The following GLT1D1 variants were observed in gnomAD, a reference collection of about 807,000 sequenced individuals.
GLT1D1 encodes glycosyltransferase 1 domain containing 1.
GLT1D1 carries 21 observed loss-of-function variants against 28.7 expected under a neutral mutation model. The ratio of observed to expected loss-of-function variants is 0.73; its 90% confidence interval spans 0.52 to 1.05. The LOEUF is 1.05. Among genes scored for constraint, GLT1D1 ranks in the 50% least tolerant of loss-of-function variants. The pLI is 0.00. For missense variants in GLT1D1, 343 were observed against 330.6 expected (o/e 1.04, Z -0.29); for synonymous variants, 147 against 124.8 (o/e 1.18, Z -1.19).
At chr12:128,980,863 C>A (rs961527587) in intron 7 of GLT1D1, among the ~76,000 whole-genome samples, 1 of 152,232 alleles carries the variant, frequency 6.6e-6, no homozygotes, top group Non-Finnish European at 1.5e-5. Context: ...TCAACGGGGA[C>A]AGTGGCAGTG....
chr12:128,868,921 G>A (rs1034657803), intron 1 of GLT1D1, among the ~76,000 whole-genome samples: 3 of 152,178 alleles, frequency 2.0e-5, no homozygotes, highest in African/African-American at 7.2e-5. Flanking sequence ...CTAGGCTGGA[G>A]TGCAATGGCA....
chr12:128,866,731 C>A (rs928486837), intron 1 of GLT1D1, among the ~76,000 whole-genome samples: 2 of 152,002 alleles, frequency 1.3e-5, no homozygotes, highest in African/African-American at 4.8e-5. Context: ...AGCGATTCTC[C>A]TGCCTCAGCC....
At chr12:128,894,072 A>G (rs764241519) in intron 3 of GLT1D1, among the ~76,000 whole-genome samples, 2 of 152,134 alleles carry the variant, frequency 1.3e-5, no homozygotes, top group Non-Finnish European at 1.5e-5. Flanking sequence ...TAGTTTTCAG[A>G]GCAAATGGAG....
intron 2 of GLT1D1, among the ~76,000 whole-genome samples, chr12:128,876,672 A>C (rs1037661431): frequency 2.0e-5 from 3 of 152,196 alleles, no homozygotes; most frequent in Non-Finnish European, 2.9e-5. Flanking sequence ...TTCTTTTACA[A>C]ATAGAGCACT....
rs774913746 is a variant in GLT1D1, at chr12:128,957,519, AC to A, written c.541-21del. On this transcript the variant is annotated intron_variant, in intron 6 of 7. Coordinates refer to ENST00000281703, the MANE Select transcript of GLT1D1 (RefSeq NM_144669.3). ...GAGGCTCTTGAAATGACTGCCTTCC[AC>A]CCCCTTTTCTCCTGTCTCCTCCAGG... is the stretch of plus-strand genomic sequence containing the variant. 1.8e-4 allele frequency: 277 copies of A among 1,520,956 alleles called. 2 individuals are homozygous for A. Among genetic ancestry groups the A allele is most frequent in the Non-Finnish European group, 2.4e-4 (263 of 1,095,904 alleles). The allele number at this position is 1,520,956 out of a possible 1,614,324, so 94.2% of individuals were successfully genotyped here. A position where few individuals can be genotyped will look rare whatever the true frequency, so the allele number is the denominator to read the frequency against.
At chr12:128,916,301 A>T (rs1872105379) in intron 4 of GLT1D1, among the ~76,000 whole-genome samples, 1 of 152,184 alleles carries the variant, frequency 6.6e-6, no homozygotes, top group African/African-American at 2.4e-5. Context: ...TTCCATTTTT[A>T]ACCGTTACAA....
rs1318656397 is a variant in GLT1D1, at chr12:128,867,419, G to GA, written c.69-8483dup. ...TCTCAAAAAAAAAAAAAAAAAAACA[G>GA]AAAAAAAAAAAAGGAAAAGAAAAAA... On this transcript the variant is annotated intron_variant, in intron 1 of 7. Transcript: ENST00000281703. 6.8e-3 allele frequency among the ~76,000 whole-genome samples: 761 copies of GA among 111,746 alleles called. 11 individuals carry two copies. Among genetic ancestry groups the GA allele is most frequent in the African/African-American group, 0.022 (665 of 30,226 alleles). 73.3% of individuals were successfully genotyped at this position (111,746 alleles called of 152,430 possible). A position where few individuals can be genotyped will look rare whatever the true frequency, so the allele number is the denominator to read the frequency against.
chr12:128,983,789 C>T lies in GLT1D1; in HGVS notation c.*699C>T, dbSNP rs1460111608. The T allele has an allele frequency of 1.3e-5, 2 of 152,244 alleles. No homozygotes were observed. Among genetic ancestry groups the T allele is most frequent in the Non-Finnish European group, 2.9e-5 (2 of 68,054 alleles). The allele number at this position is 152,244 out of a possible 1,614,324, so 9.4% of individuals were successfully genotyped here. On this transcript the variant is annotated 3_prime_UTR_variant, in exon 8 of 8. Transcript: ENST00000281703. This position sits in a 1 kb window ranked among gnomAD's most constrained non-coding sequence, Gnocchi z 4.7. The stretch of plus-strand genomic sequence containing the variant: ...CACGTCACGCATAGCCTGCAAATCG[C>T]CCGCGTGACCCTGAGATGGAGGCCT...
rs143125668 is a variant in GLT1D1, at chr12:128,941,961, G to A, written c.376-3365G>A. Among the ~76,000 whole-genome samples, 672 of 141,340 alleles carry A rather than the reference G, an allele frequency of 4.8e-3. 6 individuals are homozygous for A. The highest frequency in any genetic ancestry group is 0.017 in the African/African-American group (637 of 37,788). The allele number at this position is 141,340 out of a possible 152,430, so 92.7% of individuals were successfully genotyped here. A position where few individuals can be genotyped will look rare whatever the true frequency, so the allele number is the denominator to read the frequency against. Reference sequence around the variant, plus strand: ...ATTGTTTTTATTATTTAATAGCTGGGCTCATAGTACCATTTCCTACTTATT... The same window carrying A: ...ATTGTTTTTATTATTTAATAGCTGGACTCATAGTACCATTTCCTACTTATT... On this transcript the variant is annotated intron_variant, in intron 4 of 7. Coordinates refer to ENST00000281703, the MANE Select transcript of GLT1D1 (RefSeq NM_144669.3).
chr12:128,968,050 G>A (rs1034278963), intron 7 of GLT1D1, among the ~76,000 whole-genome samples: 2 of 152,098 alleles, frequency 1.3e-5, no homozygotes, highest in Admixed American at 6.5e-5. Context: ...AGGCTGGAGT[G>A]CAGTGGCGCA....
At chr12:128,944,936 A>G (rs530613245) in intron 4 of GLT1D1, 8 of 528,970 alleles carry the variant, frequency 1.5e-5, no homozygotes, top group Admixed American at 6.9e-5. Flanking sequence ...TCGTAACGCT[A>G]TCCCTCCTCC....
At position 128,883,482 on chromosome 12, in the gene GLT1D1, C is replaced by T. The variant is rs551744593; in HGVS notation, c.218-5157C>T. ...GTGGATGCCTGTAATCCCAGCTACT[C>T]GGGAGCCTGAGGCAGGAGAATAGCT... On this transcript the variant is annotated intron_variant, in intron 2 of 7. Coordinates refer to ENST00000281703, the MANE Select transcript of GLT1D1 (RefSeq NM_144669.3). Among the ~76,000 whole-genome samples, 15 of 150,336 alleles carry T rather than the reference C, an allele frequency of 1.0e-4. No homozygotes were observed. The South Asian group carries it at 1.5e-3, about 15-fold the overall frequency.
intron 4 of GLT1D1, among the ~76,000 whole-genome samples, chr12:128,908,692 GTAA>G (rs1010940134): frequency 2.3e-4 from 35 of 152,010 alleles, no homozygotes; most frequent in Non-Finnish European, 4.6e-4. Context: ...GCTCACGCCT[GTAA>G]TCCCAGCACT....
chr12:128,929,378 A>G (rs1873627099), intron 4 of GLT1D1, among the ~76,000 whole-genome samples: 1 of 152,240 alleles, frequency 6.6e-6, no homozygotes, highest in Non-Finnish European at 1.5e-5. Context: ...AACAAAACGC[A>G]CTTAGCGTTT....
chr12:128,943,480 T>G (rs1172365208), intron 4 of GLT1D1, among the ~76,000 whole-genome samples: 1 of 152,132 alleles, frequency 6.6e-6, no homozygotes, highest in Admixed American at 6.6e-5. Flanking sequence ...GAGTCACATC[T>G]GAAAACATAT....
At chr12:128,858,591 G>C (rs1307452188) in intron 1 of GLT1D1, among the ~76,000 whole-genome samples, 2 of 151,338 alleles carry the variant, frequency 1.3e-5, no homozygotes, top group African/African-American at 2.4e-5. Flanking sequence ...AGAATTGCTT[G>C]AACCCAGAAG....
intron 6 of GLT1D1, among the ~76,000 whole-genome samples, chr12:128,950,375 A>G (rs1425354361): frequency 6.6e-6 from 1 of 152,254 alleles, no homozygotes; most frequent in Non-Finnish European, 1.5e-5. Context: ...ACCCTCATTG[A>G]GAATCACCGT....
intron 2 of GLT1D1, among the ~76,000 whole-genome samples, chr12:128,883,183 C>A (rs1323689405): frequency 6.6e-6 from 1 of 150,902 alleles, no homozygotes; most frequent in Non-Finnish European, 1.5e-5. Context: ...CTGGGCCTCC[C>A]AAAGTGCTGG....
rs191044558 is a variant in GLT1D1, at chr12:128,967,885, G to A, written c.639+10242G>A. ...ACAGTAGGTCCTCAGCATGAAATCC[G>A]AGATGCAGATCCTGCTGCGTTGATT... On this transcript the variant is annotated intron_variant, in intron 7 of 7. Coordinates refer to ENST00000281703, the MANE Select transcript of GLT1D1 (RefSeq NM_144669.3). Among the ~76,000 whole-genome samples, 5 of 152,364 alleles carry A rather than the reference G, an allele frequency of 3.3e-5. No homozygotes were observed. The East Asian group carries it at 5.8e-4, about 18-fold the overall frequency.
Sources: allele counts gnomAD v4.1 joint callset (sites outside exome capture counted in the v4.1 genomes callset), GRCh38; gene constraint gnomAD v4.1.1; non-coding constraint Gnocchi (gnomAD v3.1); transcripts MANE v1.5; gene names NCBI Gene and HGNC (gene_info 2026-07-23, HGNC 2026-07-21).